The following DCLK1 variants were observed in gnomAD, a reference collection of about 807,000 sequenced individuals.
DCLK1 encodes the protein serine/threonine-protein kinase DCLK1.
DCLK1 carries 16 observed loss-of-function variants against 86.2 expected under a neutral mutation model. The ratio of observed to expected loss-of-function variants is 0.19; its 90% confidence interval spans 0.13 to 0.28. The LOEUF (loss-of-function observed/expected upper bound fraction) is 0.28, where lower values mean the gene tolerates loss of function less well. DCLK1 is among the 10% of genes least tolerant of loss of function. The probability of loss-of-function intolerance (pLI) is 1.00; values close to 1 mark genes in which losing one functional copy is unlikely to be tolerated. For synonymous variants in DCLK1, 369 were observed against 370.5 expected (o/e 1.00, Z 0.05); for missense variants, 590 against 940.2 (o/e 0.63, Z 4.87).
In DCLK1 at chr13:35,794,321, G is replaced by T. The variant is rs117686510; in HGVS notation, c.1945-842C>A. Among the ~76,000 whole-genome samples, 24 of 152,290 alleles carry T rather than the reference G, an allele frequency of 1.6e-4. No homozygotes were observed. In the East Asian group the frequency reaches 4.4e-3, roughly 28 times the overall value. On this transcript the variant is annotated intron_variant, in intron 15 of 16. Coordinates refer to ENST00000360631, the MANE Select transcript of DCLK1 (RefSeq NM_001330071.2). ...TGGCACATATTAGATGCTCAATTGT[G>T]GAATAAATGAATGAACAGATAATAG...
At chr13:36,043,266 G>C (rs1243145065) in intron 3 of DCLK1, among the ~76,000 whole-genome samples, 1 of 151,648 alleles carries the variant, frequency 6.6e-6, no homozygotes, top group Non-Finnish European at 1.5e-5. Context: ...CAAAAAGAAA[G>C]AGAGTATTCT....
intron 3 of DCLK1, among the ~76,000 whole-genome samples, chr13:36,054,264 G>A (rs1003661649): frequency 2.0e-5 from 3 of 152,060 alleles, no homozygotes; most frequent in Non-Finnish European, 4.4e-5. Flanking sequence ...AGGAATCCCC[G>A]AGGCTACTCC....
intron 3 of DCLK1, among the ~76,000 whole-genome samples, chr13:36,029,492 T>C (rs930608333): frequency 1.3e-5 from 2 of 152,202 alleles, no homozygotes; most frequent in Non-Finnish European, 2.9e-5. Context: ...CATTACCTTA[T>C]AATTTGTATT....
intron 4 of DCLK1, among the ~76,000 whole-genome samples, chr13:35,900,044 C>T (rs555929569): frequency 2.1e-3 from 313 of 151,988 alleles, no homozygotes; most frequent in Non-Finnish European, 3.2e-3. Flanking sequence ...TTAATTAGCA[C>T]AGAAACTGTA....
chr13:36,028,902 T>C (rs565794500), intron 3 of DCLK1, among the ~76,000 whole-genome samples: 1 of 152,344 alleles, frequency 6.6e-6, no homozygotes, highest in Non-Finnish European at 1.5e-5. Flanking sequence ...AGTTAGCCTG[T>C]ATGATCTAAA....
intron 3 of DCLK1, among the ~76,000 whole-genome samples, chr13:36,087,918 C>T (rs377416577): frequency 1.3e-5 from 2 of 152,248 alleles, no homozygotes; most frequent in East Asian, 3.9e-4. Context: ...TTTGTTTTTA[C>T]CAAAAATGTT....
chr13:35,876,437 C>A (rs1332713496), intron 4 of DCLK1, among the ~76,000 whole-genome samples: 1 of 152,014 alleles, frequency 6.6e-6, no homozygotes. Context: ...AGTGCCAAGC[C>A]GTAAATTATA....
intron 4 of DCLK1, among the ~76,000 whole-genome samples, chr13:35,923,348 A>C (rs931068949): frequency 1.3e-5 from 2 of 151,234 alleles, no homozygotes; most frequent in African/African-American, 2.4e-5. Context: ...TCTGGAGCAC[A>C]GTCCAAGATG....
intron 4 of DCLK1, among the ~76,000 whole-genome samples, chr13:35,933,920 A>G (rs1403310319): frequency 6.6e-6 from 1 of 152,206 alleles, no homozygotes; most frequent in Admixed American, 6.5e-5. Context: ...CACATTGTCA[A>G]GCTGCAAATT....
chr13:36,056,902 A>ATAT (rs1177091325), intron 3 of DCLK1, among the ~76,000 whole-genome samples: 4 of 132,218 alleles, frequency 3.0e-5, no homozygotes, highest in African/African-American at 1.0e-4. Flanking sequence ...ACAAAAAAAA[A>ATAT]AAAAATATAT....
chr13:35,864,240 T>C (rs1871610336), intron 5 of DCLK1, among the ~76,000 whole-genome samples: 1 of 152,144 alleles, frequency 6.6e-6, no homozygotes, highest in African/African-American at 2.4e-5. Context: ...CAGACAGAGA[T>C]TCTAAATACA....
intron 3 of DCLK1, among the ~76,000 whole-genome samples, chr13:35,957,707 G>C (rs1404735356): frequency 6.6e-6 from 1 of 152,110 alleles, no homozygotes; most frequent in Non-Finnish European, 1.5e-5. Context: ...AGGAACATTT[G>C]TAAAGGTCAC....
At chr13:36,101,920 T>G (rs1885233175) in intron 3 of DCLK1, among the ~76,000 whole-genome samples, 2 of 152,044 alleles carry the variant, frequency 1.3e-5, no homozygotes, top group African/African-American at 4.8e-5. Flanking sequence ...ATTTTTGTAT[T>G]TTATTAGAGA....
At chr13:36,029,312 G>A (rs2153152750) in intron 3 of DCLK1, among the ~76,000 whole-genome samples, 1 of 152,274 alleles carries the variant, frequency 6.6e-6, no homozygotes, top group South Asian at 2.1e-4. Flanking sequence ...GAGTCATAGT[G>A]ACATGACATG....
At chr13:36,029,762 C>T (rs1316349785) in intron 3 of DCLK1, among the ~76,000 whole-genome samples, 4 of 152,066 alleles carry the variant, frequency 2.6e-5, no homozygotes, top group African/African-American at 9.7e-5. Context: ...AAGATCTGTT[C>T]CACAGAATTT....
chr13:35,808,404 C>A, intron 13 of DCLK1, 84 bp from the exon 14 acceptor site: 1 of 1,080,442 alleles, frequency 9.3e-7, no homozygotes, highest in South Asian at 1.3e-5. Flanking sequence ...CACTGGAGCC[C>A]TTCCTTTCCC....
intron 4 of DCLK1, among the ~76,000 whole-genome samples, chr13:35,930,611 C>A (rs762933392): frequency 6.6e-6 from 1 of 150,456 alleles, no homozygotes; most frequent in Non-Finnish European, 1.5e-5. Flanking sequence ...AACAAACAAA[C>A]AAACAAAAAC....
chr13:35,814,454 C>A (rs370379986), intron 11 of DCLK1, among the ~76,000 whole-genome samples: 1 of 152,184 alleles, frequency 6.6e-6, no homozygotes, highest in East Asian at 1.9e-4. Context: ...TGTTACTTGG[C>A]GTTCCTCCTT....
intron 4 of DCLK1, among the ~76,000 whole-genome samples, chr13:35,932,958 A>G (rs1171076): frequency 0.77 from 117,844 of 152,156 alleles, 45,915 homozygotes; most frequent in African/African-American, 0.84. Context: ...AGTCCCTTCT[A>G]CCTATGAGCC....
Sources: allele counts gnomAD v4.1 joint callset (sites outside exome capture counted in the v4.1 genomes callset), GRCh38; gene constraint gnomAD v4.1.1; transcripts MANE v1.5; gene names NCBI Gene and HGNC (gene_info 2026-07-23, HGNC 2026-07-21).